The following YEATS2 variants were observed in gnomAD, a reference collection of about 807,000 sequenced individuals.
YEATS2 encodes YEATS domain-containing protein 2.
A neutral mutation model predicts 163.2 loss-of-function variants in YEATS2; 77 were observed. The observed-to-expected ratio is 0.47, with a 90% CI of 0.39 to 0.57. The LOEUF (loss-of-function observed/expected upper bound fraction) is 0.57, where lower values mean the gene tolerates loss of function less well. Among genes scored for constraint, YEATS2 ranks in the 20% least tolerant of loss-of-function variants. YEATS2 has a pLI of 0.00. For synonymous variants in YEATS2, 631 were observed against 645.1 expected, an observed-to-expected ratio of 0.98 and a Z score of 0.33; for missense variants, 1,549 against 1,729.8, an observed-to-expected ratio of 0.90 and a Z score of 1.85.
chr3:183,807,148 C>T, intron 28 of YEATS2, 56 bp downstream of exon 28: 1 of 1,503,072 alleles, frequency 6.7e-7, no homozygotes, highest in Non-Finnish European at 9.1e-7. Context: ...GCTAGATGTT[C>T]AGACGTTCAG....
chr3:183,708,890 G>A (rs969901759), intron 1 of YEATS2, among the ~76,000 whole-genome samples: 7 of 151,882 alleles, frequency 4.6e-5, no homozygotes, highest in South Asian at 2.1e-4. Flanking sequence ...GGCCAGGCGC[G>A]GTGGCTCACA....
intron 1 of YEATS2, among the ~76,000 whole-genome samples, chr3:183,699,784 T>A (rs921945377): frequency 1.3e-5 from 2 of 152,168 alleles, no homozygotes; most frequent in African/African-American, 4.8e-5. Flanking sequence ...GAGGTGTTTC[T>A]GGAAGATGTT....
At position 183,761,515 on chromosome 3, in the gene YEATS2, T is replaced by G; in HGVS notation, c.1665T>G (p.Asp555Glu). The G allele has an allele frequency of 1.2e-6, 2 of 1,614,010 alleles. No individual in the cohort carries two copies. The highest frequency in any genetic ancestry group is 2.2e-5 in the South Asian group (2 of 91,080). The stretch of plus-strand genomic sequence containing the variant: ...TATTTTTACACACACAGCAGGAGGA[T>G]TCTTTGTTTGCATCTATGCCACCTC... ...SFVTSTVKQE[D>E]SLFASMPPLC... Residue 555 changes from aspartate to glutamate, a missense_variant, in exon 14 of 31, where the codon GAT (aspartate) becomes GAG (glutamate). Transcript: ENST00000305135.
At chr3:183,807,906 A>G (rs1027190826) in intron 28 of YEATS2, 124 bp from the exon 29 acceptor site, 6 of 681,204 alleles carry the variant, frequency 8.8e-6, no homozygotes, top group African/African-American at 7.3e-5. Context: ...ATTTTGCCCA[A>G]TATGTTTGCA....
rs1722964248 is a variant in YEATS2, at chr3:183,776,027, A to AGGG, written c.2483_2484insGGG (p.Gly828dup). The stretch of plus-strand genomic sequence containing the variant: ...GAGGCGGCAGCACAGGAGGAGGAGG[A>AGGG]GGAACAGCAGGAGGAGGAACTCAAA... On this transcript the variant is annotated inframe_insertion, in exon 18 of 31. Transcript: ENST00000305135. 9.9e-6 allele frequency: 16 copies of AGGG among 1,611,222 alleles called. 1 individual carries two copies. In the East Asian group the frequency reaches 3.6e-4, roughly 36 times the overall value.
At chr3:183,703,891 T>G (rs1270081322) in intron 1 of YEATS2, among the ~76,000 whole-genome samples, 1 of 152,128 alleles carries the variant, frequency 6.6e-6, no homozygotes, top group African/African-American at 2.4e-5. Flanking sequence ...CCAGGCGTAG[T>G]GGCTCACGCT....
chr3:183,725,343 C>G (rs1044530038), intron 6 of YEATS2, among the ~76,000 whole-genome samples: 12 of 152,154 alleles, frequency 7.9e-5, no homozygotes, highest in Admixed American at 5.2e-4. Flanking sequence ...AGATACTGCC[C>G]TCAGCTCGAA....
At chr3:183,746,871 T>C (rs953289665) in intron 8 of YEATS2, among the ~76,000 whole-genome samples, 5 of 152,104 alleles carry the variant, frequency 3.3e-5, no homozygotes, top group Admixed American at 6.5e-5. Context: ...TAAAACCTTG[T>C]ATTTACTAAC....
chr3:183,805,800 G>A (rs776225046), intron 27 of YEATS2, among the ~76,000 whole-genome samples: 12 of 151,914 alleles, frequency 7.9e-5, no homozygotes, highest in Non-Finnish European at 1.8e-4. Context: ...AAAAAAAAGG[G>A]GGGGCAAGTC....
intron 15 of YEATS2, among the ~76,000 whole-genome samples, chr3:183,769,852 A>G (rs1361011717): frequency 6.6e-6 from 1 of 151,788 alleles, no homozygotes. Context: ...CGCCCAGCTC[A>G]TTCCTTGTAA....
At chr3:183,785,725 A>G (rs1199036008) in intron 19 of YEATS2, among the ~76,000 whole-genome samples, 3 of 152,174 alleles carry the variant, frequency 2.0e-5, no homozygotes, top group African/African-American at 4.8e-5. Context: ...TGCTAAGCCT[A>G]TATCTAATTT....
chr3:183,715,930 C>G (rs533271009), intron 2 of YEATS2, among the ~76,000 whole-genome samples: 28 of 152,200 alleles, frequency 1.8e-4, no homozygotes, highest in African/African-American at 6.5e-4. Context: ...CTTAAGCAAG[C>G]TTAAAAAAAT....
chr3:183,765,003 C>A (rs1477884451), intron 15 of YEATS2, among the ~76,000 whole-genome samples: 1 of 152,104 alleles, frequency 6.6e-6, no homozygotes, highest in Non-Finnish European at 1.5e-5. Context: ...TCTGCTGATT[C>A]ATCTACTTAG....
chr3:183,786,382 C>T, intron 20 of YEATS2, 81 bp downstream of exon 20: 1 of 1,342,668 alleles, frequency 7.4e-7, no homozygotes, highest in Non-Finnish European at 1.0e-6. Context: ...AGCAGGCACA[C>T]CAGTGGACCT....
At chr3:183,730,052 G>GTTTGTTTT (rs1560244258) in intron 7 of YEATS2, among the ~76,000 whole-genome samples, 24 of 41,718 alleles carry the variant, frequency 5.8e-4, no homozygotes, top group South Asian at 1.4e-3. Flanking sequence ...TTTTTTGTTT[G>GTTTGTTTT]TTTTTTTTTT....
At chr3:183,735,360 T>A (rs533907453) in intron 7 of YEATS2, among the ~76,000 whole-genome samples, 3 of 152,346 alleles carry the variant, frequency 2.0e-5, no homozygotes, top group South Asian at 2.1e-4. Flanking sequence ...AGACTAAGTC[T>A]GCCTTCTCCT....
At chr3:183,771,505 G>C (rs1018750348) in intron 15 of YEATS2, among the ~76,000 whole-genome samples, 9 of 138,008 alleles carry the variant, frequency 6.5e-5, no homozygotes, top group East Asian at 6.4e-4. Flanking sequence ...TGGGTACTGG[G>C]GTCTTTTTTT....
At chr3:183,750,313 G>C (rs908580073) in intron 9 of YEATS2, among the ~76,000 whole-genome samples, 1 of 152,128 alleles carries the variant, frequency 6.6e-6, no homozygotes, top group Admixed American at 6.6e-5. Flanking sequence ...ACCACATTTT[G>C]TTTATCCGTT....
At chr3:183,721,774 AT>A (rs1225370671) in intron 4 of YEATS2, 116 bp from the exon 5 acceptor site, 1 of 1,370,700 alleles carries the variant, frequency 7.3e-7, no homozygotes, top group Admixed American at 2.2e-5. Context: ...ATGTGGGGAG[AT>A]TTTGAAAGAT....
Sources: gnomAD v4.1 joint callset for allele counts (sites outside exome capture counted in the v4.1 genomes callset) on GRCh38, gnomAD v4.1.1 for gene constraint, MANE v1.5 for transcripts, NCBI Gene and HGNC (gene_info 2026-07-23, HGNC 2026-07-21) for gene names.